Variants in DPP10 observed in about 807,000 individuals in gnomAD.
DPP10 encodes the protein dipeptidyl peptidase like 10, also known as inactive dipeptidyl peptidase 10.
In DPP10, 33 loss-of-function variants were observed where a neutral mutation model predicts 120.9. The observed-to-expected ratio is 0.27, with a 90% CI of 0.21 to 0.37. The LOEUF is 0.37. DPP10 is among the 10% of genes least tolerant of loss of function. The pLI is 1.00. For missense variants in DPP10, 816 were observed against 942.8 expected, an observed-to-expected ratio of 0.87 and a Z score of 1.76; for synonymous variants, 337 against 326.1, an observed-to-expected ratio of 1.03 and a Z score of -0.36.
chr2:114,733,108 G>C (rs1421472011), intron 1 of DPP10, among the ~76,000 whole-genome samples: 1 of 152,194 alleles, frequency 6.6e-6, no homozygotes, highest in East Asian at 1.9e-4. Context: ...ACGACTGCTT[G>C]GAGGTAGGTG....
chr2:114,559,270 C>A (rs768750690), intron 1 of DPP10, among the ~76,000 whole-genome samples: 4 of 152,150 alleles, frequency 2.6e-5, no homozygotes, highest in Admixed American at 6.5e-5. Flanking sequence ...TCACAAGAGT[C>A]CCCGCATGAG....
intron 1 of DPP10, among the ~76,000 whole-genome samples, chr2:114,514,590 C>T (rs1282893066): frequency 6.6e-6 from 1 of 152,086 alleles, no homozygotes; most frequent in Non-Finnish European, 1.5e-5. Context: ...ACTTAAGCTC[C>T]AGGCTGTTTC....
intron 1 of DPP10, among the ~76,000 whole-genome samples, chr2:115,063,771 A>G (rs1706610579): frequency 6.6e-6 from 1 of 152,200 alleles, no homozygotes; most frequent in Admixed American, 6.5e-5. Flanking sequence ...TTAACTCAAG[A>G]TGGATTAAAG....
chr2:115,264,136 A>T (rs760009941), intron 1 of DPP10, among the ~76,000 whole-genome samples: 1 of 152,222 alleles, frequency 6.6e-6, no homozygotes, highest in Non-Finnish European at 1.5e-5. Flanking sequence ...GGTATCTGTG[A>T]CATATTTTTT....
chr2:115,191,668 A>T (rs1372644368), intron 1 of DPP10, among the ~76,000 whole-genome samples: 1 of 152,108 alleles, frequency 6.6e-6, no homozygotes, highest in African/African-American at 2.4e-5. Flanking sequence ...TGACTTGAGT[A>T]TTATGGGTCC....
intron 19 of DPP10, among the ~76,000 whole-genome samples, chr2:115,798,109 T>A (rs1684750593): frequency 6.6e-6 from 1 of 151,944 alleles, no homozygotes; most frequent in Non-Finnish European, 1.5e-5. Context: ...TATTAATAGT[T>A]CCTATTTAAA....
intron 3 of DPP10, among the ~76,000 whole-genome samples, chr2:115,431,136 C>T (rs1441443976): frequency 1.3e-5 from 2 of 152,256 alleles, no homozygotes; most frequent in East Asian, 1.9e-4. Flanking sequence ...TAATATAGCT[C>T]GCGAAAGCGA....
chr2:115,567,534 A>ATTT lies in DPP10; in HGVS notation c.441+41574_441+41576dup, dbSNP rs35001379. The stretch of plus-strand genomic sequence containing the variant: ...CAAATTACCTCTTAAAGATTTTCTC[A>ATTT]TTTTTTTTTTTTTTACAACTGCGTA... On this transcript the variant is annotated intron_variant, in intron 5 of 25. Coordinates refer to ENST00000410059, the MANE Select transcript of DPP10 (RefSeq NM_020868.6). Among the ~76,000 whole-genome samples the ATTT allele has an allele frequency of 5.0e-3, 739 of 148,112 alleles. 4 individuals are homozygous for ATTT. The highest frequency in any genetic ancestry group is 0.017 in the African/African-American group (690 of 40,386).
At chr2:115,143,489 C>T (rs901060957) in intron 1 of DPP10, among the ~76,000 whole-genome samples, 1 of 152,072 alleles carries the variant, frequency 6.6e-6, no homozygotes, top group Admixed American at 6.6e-5. Context: ...AAATAAATGG[C>T]AGGGAATAAA....
Position 115,343,872 on chromosome 2 carries a change from A to G in DPP10, c.231A>G (p.Lys77=). 6 of 1,612,288 alleles carry G rather than the reference A, an allele frequency of 3.7e-6. No homozygotes were observed. The South Asian group carries it at 5.5e-5, about 15-fold the overall frequency. ...TGTCTTTGGAAGACCTCTTTAGGAAAGACTTTGTGCTTCACGATCCAGAGG... is the reference window on the plus strand; with the variant it reads ...TGTCTTTGGAAGACCTCTTTAGGAAGGACTTTGTGCTTCACGATCCAGAGG... ...TRLSLEDLFR[K]DFVLHDPEAR... The change falls in exon 3 of 26, where the codon AAA becomes AAG. Residue 77 remains lysine, a synonymous_variant. Coordinates refer to ENST00000410059, the MANE Select transcript of DPP10 (RefSeq NM_020868.6).
chr2:115,506,951 T>C (rs1161298330), intron 4 of DPP10, among the ~76,000 whole-genome samples: 4 of 152,010 alleles, frequency 2.6e-5, no homozygotes, highest in Non-Finnish European at 5.9e-5. Flanking sequence ...ATTCTTTCCA[T>C]CCAAATGTTT....
chr2:115,248,245 T>A (rs1559310084), intron 1 of DPP10, among the ~76,000 whole-genome samples: 1 of 152,156 alleles, frequency 6.6e-6, no homozygotes, highest in South Asian at 2.1e-4. Flanking sequence ...TCTCCCTCTC[T>A]CTAGGACTCA....
rs1183247958 is a variant in DPP10 at position 115,386,436 on chromosome 2, C to T, written c.271+42524C>T. On this transcript the variant is annotated intron_variant, in intron 3 of 25. Transcript: ENST00000410059. The stretch of plus-strand genomic sequence containing the variant: ...CAGTGATGAGTGATGATGGTTAGAA[C>T]CTAAGCTTATAAAGCATCTTAGCAA... Among the ~76,000 whole-genome samples the T allele has an allele frequency of 3.9e-5, 6 of 152,176 alleles. No homozygotes were observed. The Middle Eastern group carries it at 0.014, about 345-fold the overall frequency.
chr2:115,749,613 T>C (rs1352767337), intron 10 of DPP10, among the ~76,000 whole-genome samples: 1 of 152,202 alleles, frequency 6.6e-6, no homozygotes, highest in Non-Finnish European at 1.5e-5. Flanking sequence ...CCCATGTTCA[T>C]GGAAGTGTCC....
Position 115,727,809 on chromosome 2 carries a change from G to C in DPP10, c.577-7G>C, listed in dbSNP as rs375109359. The C allele has an allele frequency of 6.3e-7, 1 of 1,577,974 alleles. No homozygotes were observed. Among genetic ancestry groups the C allele is most frequent in the Non-Finnish European group, 8.6e-7 (1 of 1,166,580 alleles). On this transcript the variant is annotated splice_region_variant and splice_polypyrimidine_tract_variant and intron_variant, in intron 7 of 25. Transcript: ENST00000410059. Reference sequence around the variant, plus strand: ...ATTTTTTGTTTGTTTCACATTTCCTGATCCAGATTTATATTTTTGAAAATA... The same window carrying C: ...ATTTTTTGTTTGTTTCACATTTCCTCATCCAGATTTATATTTTTGAAAATA...
intron 1 of DPP10, among the ~76,000 whole-genome samples, chr2:114,446,901 A>G (rs1179088295): frequency 2.0e-5 from 3 of 152,184 alleles, no homozygotes; most frequent in Non-Finnish European, 4.4e-5. Context: ...GTATTGTTAA[A>G]TACGTAGGCT....
intron 7 of DPP10, among the ~76,000 whole-genome samples, chr2:115,702,836 G>T (rs569289089): frequency 1.3e-5 from 2 of 152,172 alleles, no homozygotes; most frequent in South Asian, 4.1e-4. Flanking sequence ...TTTTTAATGG[G>T]TGACTTGTTT....
intron 10 of DPP10, among the ~76,000 whole-genome samples, chr2:115,751,924 G>T (rs1198784540): frequency 6.6e-6 from 1 of 151,240 alleles, no homozygotes; most frequent in Non-Finnish European, 1.5e-5. Context: ...TCAGCCTCCC[G>T]AGTAGCTGGG....
chr2:114,576,475 G>A (rs1690055819), intron 1 of DPP10, among the ~76,000 whole-genome samples: 1 of 152,316 alleles, frequency 6.6e-6, no homozygotes, highest in Admixed American at 6.5e-5. Flanking sequence ...TGGCAAGAAG[G>A]AAGCCTGGGG....
Sources: gnomAD v4.1 joint callset for allele counts (sites outside exome capture counted in the v4.1 genomes callset) on GRCh38, gnomAD v4.1.1 for gene constraint, MANE v1.5 for transcripts, NCBI Gene and HGNC (gene_info 2026-07-23, HGNC 2026-07-21) for gene names.